TRABD2B: variants seen among roughly 807,000 people sequenced by gnomAD.
TRABD2B encodes TraB domain containing 2B, also known as metalloprotease TIKI2.
In TRABD2B, 14 loss-of-function variants were observed where a neutral mutation model predicts 40.1. The ratio of observed to expected loss-of-function variants is 0.35; its 90% CI spans 0.23 to 0.55. TRABD2B has a LOEUF of 0.55. TRABD2B is among the 20% of genes least tolerant of loss of function. The pLI is 0.90. For synonymous variants in TRABD2B, 263 were observed against 277.0 expected, an observed-to-expected ratio of 0.95 and a Z score of 0.50; for missense variants, 541 against 648.6, an observed-to-expected ratio of 0.83 and a Z score of 1.80.
intron 2 of TRABD2B, among the ~76,000 whole-genome samples, chr1:47,826,099 T>G (rs960206814): frequency 6.6e-6 from 1 of 152,184 alleles, no homozygotes; most frequent in Admixed American, 6.6e-5. Context: ...GAAGGTCGCA[T>G]GTAGTTTGAA....
chr1:47,964,384 G>C (rs1645567126), intron 2 of TRABD2B, among the ~76,000 whole-genome samples: 1 of 152,152 alleles, frequency 6.6e-6, no homozygotes, highest in Non-Finnish European at 1.5e-5. Context: ...TGCTGAGGAA[G>C]GAGCACAAAC....
intron 6 of TRABD2B, among the ~76,000 whole-genome samples, chr1:47,766,889 T>C (rs1644311758): frequency 1.3e-5 from 2 of 152,228 alleles, no homozygotes; most frequent in African/African-American, 2.4e-5. Flanking sequence ...GATTCTTGGC[T>C]CAAGAAAGCC....
chr1:47,993,292 G>A (rs1485147494), intron 2 of TRABD2B, among the ~76,000 whole-genome samples: 2 of 152,200 alleles, frequency 1.3e-5, no homozygotes, highest in East Asian at 1.9e-4. Context: ...CCATGGAGAA[G>A]GGGCTTTTAA....
At position 47,763,631 on chromosome 1, in the gene TRABD2B, G is replaced by A. The variant is rs1644267633; in HGVS notation, c.*2271C>T. 6.6e-6 allele frequency: 1 copy of A among 152,206 alleles called. No homozygotes were observed. The highest frequency in any genetic ancestry group is 2.4e-5 in the African/African-American group (1 of 41,448). 9.4% of individuals were successfully genotyped at this position (152,206 alleles called of 1,614,324 possible). ...AATTTACCTTCTTGGCTCAGTGCCT[G>A]GCACAGATCTGGGCACACGGTCAGG... On this transcript the variant is annotated 3_prime_UTR_variant, in exon 7 of 7. Transcript: ENST00000606738.
intron 2 of TRABD2B, among the ~76,000 whole-genome samples, chr1:47,937,702 A>C (rs1258192598): frequency 6.6e-6 from 1 of 152,008 alleles, no homozygotes; most frequent in Non-Finnish European, 1.5e-5. Context: ...ATAAAGGAGT[A>C]GGGTTCATGG....
chr1:47,939,531 T>C (rs1645157963), intron 2 of TRABD2B, among the ~76,000 whole-genome samples: 2 of 152,196 alleles, frequency 1.3e-5, no homozygotes, highest in African/African-American at 4.8e-5. Context: ...AGTTCTCTTT[T>C]AGTCCTCTCA....
At chr1:47,970,279 T>C (rs1441323267) in intron 2 of TRABD2B, among the ~76,000 whole-genome samples, 1 of 152,042 alleles carries the variant, frequency 6.6e-6, no homozygotes, top group Non-Finnish European at 1.5e-5. Flanking sequence ...CAGTAGCTTT[T>C]CAAAAGGTCT....
chr1:47,820,789 C>CACACAA (rs1557592847), intron 2 of TRABD2B, among the ~76,000 whole-genome samples: 3 of 140,774 alleles, frequency 2.1e-5, no homozygotes, highest in African/African-American at 5.5e-5. Context: ...ACACCACACA[C>CACACAA]ACACACACAC....
chr1:47,896,698 G>C (rs777116900), intron 2 of TRABD2B, among the ~76,000 whole-genome samples: 11 of 152,146 alleles, frequency 7.2e-5, no homozygotes, highest in Non-Finnish European at 1.5e-4. Context: ...TCTACCTCTC[G>C]GCCTGGGGAA....
chr1:47,987,101 G>A (rs1438534883), intron 2 of TRABD2B, among the ~76,000 whole-genome samples: 2 of 152,158 alleles, frequency 1.3e-5, no homozygotes, highest in African/African-American at 4.8e-5. Flanking sequence ...ACGTCCAAAT[G>A]GGAACTATTA....
intron 2 of TRABD2B, among the ~76,000 whole-genome samples, chr1:47,850,463 A>G (rs1240663309): frequency 1.3e-5 from 2 of 152,236 alleles, no homozygotes; most frequent in East Asian, 3.8e-4. Flanking sequence ...CAGGGGTCTA[A>G]GAATCTAGAT....
At chr1:47,952,362 C>G (rs949261473) in intron 2 of TRABD2B, among the ~76,000 whole-genome samples, 4 of 152,218 alleles carry the variant, frequency 2.6e-5, no homozygotes, top group Admixed American at 1.3e-4. Flanking sequence ...ACAGCCTCTG[C>G]TGCCCATTCT....
intron 2 of TRABD2B, among the ~76,000 whole-genome samples, chr1:47,954,876 T>C (rs942550196): frequency 6.6e-6 from 1 of 152,152 alleles, no homozygotes; most frequent in Non-Finnish European, 1.5e-5. Context: ...ACTTCTGTCA[T>C]TGGTCTCCTC....
chr1:47,819,944 C>T (rs1645083750), intron 2 of TRABD2B: 1 of 152,128 alleles, frequency 6.6e-6, no homozygotes, highest in Non-Finnish European at 1.5e-5. Flanking sequence ...CAAATCTGCC[C>T]CACTTGCCCT....
At position 47,925,832 on chromosome 1, in the gene TRABD2B, A is replaced by T. The variant is rs1334332381; in HGVS notation, c.666+68202T>A. 2.6e-5 allele frequency among the ~76,000 whole-genome samples: 4 copies of T among 152,262 alleles called. No homozygotes were observed. In the South Asian group the frequency reaches 6.2e-4, roughly 24 times the overall value. On this transcript the variant is annotated intron_variant, in intron 2 of 6. Transcript: ENST00000606738. ...TCCTTTCTTACAGAGACAAGAAAGA[A>T]ATGTCTGAAAAGTCTAAGCTGCCAT...
In TRABD2B at chr1:47,801,347, CCA is replaced by C. The variant is rs1486504596; in HGVS notation, c.813+124_813+125del. On this transcript the variant is annotated intron_variant, in intron 3 of 6. Transcript: ENST00000606738. ...TTCTCATCTCTGAGCCTCAATTTCC[CCA>C]CCTATAAAAGGGGAATAACGATAGC... The C allele has an allele frequency of 2.9e-6, 3 of 1,035,470 alleles. No individual in the cohort carries two copies. The African/African-American group carries it at 4.8e-5, about 17-fold the overall frequency. 64.1% of individuals were successfully genotyped at this position (1,035,470 alleles called of 1,614,324 possible). A position where few individuals can be genotyped will look rare whatever the true frequency, so the allele number is the denominator to read the frequency against.
Position 47,945,890 on chromosome 1 carries a change from G to A in TRABD2B, c.666+48144C>T, listed in dbSNP as rs1015442044. Among the ~76,000 whole-genome samples, 3 of 152,298 alleles carry A rather than the reference G, an allele frequency of 2.0e-5. No homozygotes were observed. The South Asian group carries it at 6.2e-4, about 32-fold the overall frequency. ...ACATTTCTGTGTGAACAGAGGTTTTGATTTCACTTGGTTAAATACCTGCAA... is the reference window on the plus strand; with the variant it reads ...ACATTTCTGTGTGAACAGAGGTTTTAATTTCACTTGGTTAAATACCTGCAA... On this transcript the variant is annotated intron_variant, in intron 2 of 6. Transcript: ENST00000606738.
chr1:47,866,237 C>T (rs936713429), intron 2 of TRABD2B, among the ~76,000 whole-genome samples: 1 of 151,748 alleles, frequency 6.6e-6, no homozygotes, highest in African/African-American at 2.4e-5. Flanking sequence ...AGTCGATGTC[C>T]GAGGGGCTCT....
intron 6 of TRABD2B, among the ~76,000 whole-genome samples, chr1:47,767,498 C>G (rs1250764237): frequency 6.6e-6 from 1 of 152,232 alleles, no homozygotes; most frequent in Non-Finnish European, 1.5e-5. Flanking sequence ...ACTCTTTAAC[C>G]TTTGGACCTC....
Sources: allele counts gnomAD v4.1 joint callset (sites outside exome capture counted in the v4.1 genomes callset), GRCh38; gene constraint gnomAD v4.1.1; transcripts MANE v1.5; gene names NCBI Gene and HGNC (gene_info 2026-07-23, HGNC 2026-07-21).